The following KDM3A variants were observed in gnomAD, a reference collection of about 807,000 sequenced individuals.
KDM3A encodes the protein lysine-specific demethylase 3A.
KDM3A carries 60 observed loss-of-function variants against 158.0 expected under a neutral mutation model. The ratio of observed to expected loss-of-function variants is 0.38; its 90% CI spans 0.31 to 0.47. The LOEUF (loss-of-function observed/expected upper bound fraction) is 0.47, where lower values mean the gene tolerates loss of function less well. KDM3A is among the 20% of genes least tolerant of loss of function. The probability of loss-of-function intolerance (pLI) is 0.99; values close to 1 mark genes in which losing one functional copy is unlikely to be tolerated. For synonymous variants in KDM3A, 608 were observed against 549.3 expected, an observed-to-expected ratio of 1.11 and a Z score of -1.49; for missense variants, 1,319 against 1,574.3, an observed-to-expected ratio of 0.84 and a Z score of 2.74.
At chr2:86,471,117 G>GT (rs1409483185) in intron 11 of KDM3A, among the ~76,000 whole-genome samples, 2 of 152,038 alleles carry the variant, frequency 1.3e-5, no homozygotes, top group South Asian at 2.1e-4. Context: ...CAACTGCAGG[G>GT]TTTGAGCATG....
At chr2:86,461,078 T>G (rs1341209325) in intron 8 of KDM3A, among the ~76,000 whole-genome samples, 1 of 112,098 alleles carries the variant, frequency 8.9e-6, no homozygotes, top group Admixed American at 7.9e-5. Context: ...AAAATTGATT[T>G]CAGCGCCAGG....
chr2:86,478,844 C>T, intron 15 of KDM3A, 109 bp downstream of exon 15: 1 of 1,012,490 alleles, frequency 9.9e-7, no homozygotes, highest in Non-Finnish European at 1.5e-6. Flanking sequence ...CTGGGGATAG[C>T]TATCAAGTGG....
Position 86,470,312 on chromosome 2 carries a change from T to C in KDM3A, c.1628T>C (p.Leu543Ser), listed in dbSNP as rs1673344678. The stretch of plus-strand genomic sequence containing the variant: ...TCTTGTGTGAACATCGTGGCACAGT[T>C]GCCTAAATGCCGAGAGTGTCGCTTG... The part of the protein sequence containing the change: ...DDSCVNIVAQ[L>S]PKCRECRLDS... Residue 543 changes from leucine to serine, a missense_variant, in exon 11 of 26, where the codon TTG becomes TCG. Physicochemically the swap from Leu to Ser is moderately radical, Grantham distance 145. Coordinates refer to ENST00000312912, the MANE Select transcript of KDM3A (RefSeq NM_018433.6). 8.1e-6 allele frequency: 13 copies of C among 1,614,104 alleles called. No individual in the cohort carries two copies. In the East Asian group the frequency reaches 2.7e-4, roughly 33 times the overall value.
Position 86,442,057 on chromosome 2 carries a change from A to G in KDM3A, c.10A>G (p.Thr4Ala), listed in dbSNP as rs1489398034. ...TGCAGGCGTGGAAACCATGGTGCTC[A>G]CGCTCGGAGAAAGTTGGCCGGTATT... is the stretch of plus-strand genomic sequence containing the variant. MVL[T>A]LGESWPVLVG... The change falls in exon 2 of 26, where the codon ACG (threonine) becomes GCG (alanine). Residue 4 changes from threonine to alanine, a missense_variant. Around this residue, in one of 4 missense-constraint regions of KDM3A, gnomAD observed 652 missense variants for 627.2 expected, o/e 1.04. Coordinates refer to ENST00000312912, the MANE Select transcript of KDM3A (RefSeq NM_018433.6). The G allele has an allele frequency of 1.2e-6, 2 of 1,613,856 alleles. No individual in the cohort carries two copies. The highest frequency in any genetic ancestry group is 2.2e-5 in the East Asian group (1 of 44,876).
intron 11 of KDM3A, among the ~76,000 whole-genome samples, chr2:86,473,608 G>C (rs965184320): frequency 3.9e-5 from 6 of 152,122 alleles, no homozygotes; most frequent in Non-Finnish European, 8.8e-5. Flanking sequence ...AAATTAGCTG[G>C]GCGTGGTGGC....
At position 86,466,782 on chromosome 2, in the gene KDM3A, A is replaced by G; in HGVS notation, c.1418A>G (p.Glu473Gly). The change falls in exon 10 of 26, where the codon GAA (glutamate) becomes GGA (glycine). Residue 473 changes from glutamate to glycine, a missense_variant. Around this residue, in one of 4 missense-constraint regions of KDM3A, gnomAD observed 652 missense variants for 627.2 expected, o/e 1.04. Coordinates refer to ENST00000312912, the MANE Select transcript of KDM3A (RefSeq NM_018433.6). ...AATAACTGTTCAGGAAAAAAGGTAG[A>G]ACCTTCAGCTTTAGCTTGCCGATCA... is the stretch of plus-strand genomic sequence containing the variant. ...SPNNCSGKKV[E>G]PSALACRSQN... The G allele has an allele frequency of 6.2e-7, 1 of 1,613,780 alleles. No individual in the cohort carries two copies. Among genetic ancestry groups the G allele is most frequent in the Non-Finnish European group, 8.5e-7 (1 of 1,179,764 alleles).
Position 86,479,885 on chromosome 2 carries a change from C to G in KDM3A, c.2317-282C>G, listed in dbSNP as rs1176908944. 8 of 363,172 alleles carry G rather than the reference C, an allele frequency of 2.2e-5. No homozygotes were observed. In the South Asian group the frequency reaches 2.9e-4, roughly 13 times the overall value. 22.5% of individuals were successfully genotyped at this position (363,172 alleles called of 1,614,324 possible). ...GCACAAACTGGTCATTTTAAACCAG[C>G]ATGGTACATAGAGTAATAGGGATAT... On this transcript the variant is annotated intron_variant, in intron 15 of 25. Transcript: ENST00000312912.
At chr2:86,489,840 G>T in intron 23 of KDM3A, 181 bp downstream of exon 23, 1 of 528,862 alleles carries the variant, frequency 1.9e-6, no homozygotes, top group Non-Finnish European at 3.2e-6. Context: ...AAATGATTAG[G>T]GTTACACTTC....
At chr2:86,481,544 A>G (rs1673929959) in intron 16 of KDM3A, among the ~76,000 whole-genome samples, 1 of 151,194 alleles carries the variant, frequency 6.6e-6, no homozygotes. Context: ...AAGACAAAGG[A>G]TATCTGTTTT....
chr2:86,437,859 A>G (rs763694509), upstream of KDM3A, among the ~76,000 whole-genome samples: 6 of 152,032 alleles, frequency 3.9e-5, no homozygotes, highest in Non-Finnish European at 7.4e-5. Flanking sequence ...CTTTTATTGC[A>G]TTATCTTTTT....
intron 21 of KDM3A, chr2:86,489,055 A>T: frequency 2.7e-6 from 1 of 373,154 alleles, no homozygotes; most frequent in Middle Eastern, 8.2e-4. Context: ...CACTTGATCT[A>T]GCAGATGTCC....
chr2:86,482,334 CT>C, intron 17 of KDM3A, 123 bp from the exon 18 acceptor site: 1 of 1,491,462 alleles, frequency 6.7e-7, no homozygotes, highest in Non-Finnish European at 9.0e-7. Context: ...GGGGACGTAC[CT>C]TTTTGCCTGG....
chr2:86,438,216 A>T (rs575409205), upstream of KDM3A, among the ~76,000 whole-genome samples: 1 of 152,168 alleles, frequency 6.6e-6, no homozygotes, highest in South Asian at 2.1e-4. Context: ...TGGTGTATCT[A>T]TTGAGATAAT....
intron 2 of KDM3A, chr2:86,443,678 C>G (rs947995039): frequency 6.6e-6 from 1 of 152,250 alleles, no homozygotes; most frequent in African/African-American, 2.4e-5. Flanking sequence ...AAGCTGCCCT[C>G]TTAACCATCA....
chr2:86,472,055 A>G (rs528612562), intron 11 of KDM3A, among the ~76,000 whole-genome samples: 19 of 152,256 alleles, frequency 1.2e-4, no homozygotes, highest in Admixed American at 7.2e-4. Flanking sequence ...CTCCTCTGCT[A>G]TGAAAAATAT....
chr2:86,453,915 G>GC (rs1049813254), intron 4 of KDM3A, among the ~76,000 whole-genome samples: 7 of 152,198 alleles, frequency 4.6e-5, no homozygotes, highest in Non-Finnish European at 8.8e-5. Flanking sequence ...TCTGTGTTGA[G>GC]CACTGTTTTT....
chr2:86,457,133 T>C (rs1264711212), intron 8 of KDM3A, 62 bp downstream of exon 8: 7 of 572,210 alleles, frequency 1.2e-5, no homozygotes, highest in Non-Finnish European at 1.9e-5. Flanking sequence ...CATGGCTAGT[T>C]TTTATTTTTT....
chr2:86,443,774 T>G (rs1358720552), intron 2 of KDM3A, among the ~76,000 whole-genome samples: 1 of 152,194 alleles, frequency 6.6e-6, no homozygotes, highest in Non-Finnish European at 1.5e-5. Flanking sequence ...CTCATTCTCC[T>G]GCCAAATCAG....
At chr2:86,481,708 A>G (rs917194296) in intron 16 of KDM3A, among the ~76,000 whole-genome samples, 1 of 152,236 alleles carries the variant, frequency 6.6e-6, no homozygotes, top group Non-Finnish European at 1.5e-5. Context: ...TGCTAGATAC[A>G]AAGGTCAATT....
Sources: gnomAD v4.1 joint callset for allele counts (sites outside exome capture counted in the v4.1 genomes callset) on GRCh38, gnomAD v4.1.1 for gene constraint, gnomAD v4.1.1 regional missense constraint, MANE v1.5 for transcripts, NCBI Gene and HGNC (gene_info 2026-07-23, HGNC 2026-07-21) for gene names.